Variants in WWOX observed in about 807,000 individuals in gnomAD.
WWOX encodes WW domain-containing oxidoreductase.
In WWOX, 69 loss-of-function variants were observed where a neutral mutation model predicts 46.2. That is an observed-to-expected ratio of 1.49 (90% CI 1.23 to 1.82). The LOEUF (loss-of-function observed/expected upper bound fraction) is 1.82, where lower values mean the gene tolerates loss of function less well. Among genes scored for constraint, WWOX ranks in the 40% most tolerant of loss-of-function variants. The pLI is 0.00. For synonymous variants in WWOX, 359 were observed against 202.6 expected (o/e 1.77, Z -6.56); for missense variants, 919 against 542.6 (o/e 1.69, Z -6.89).
chr16:78,870,581 C>T (rs1283392017), intron 8 of WWOX, among the ~76,000 whole-genome samples: 1 of 151,782 alleles, frequency 6.6e-6, no homozygotes, highest in African/African-American at 2.4e-5. Context: ...TCTCTCTTCT[C>T]ACCCCTACCA....
chr16:79,021,764 C>T (rs2151385936), intron 8 of WWOX, among the ~76,000 whole-genome samples: 1 of 152,288 alleles, frequency 6.6e-6, no homozygotes. Flanking sequence ...CATCTGTGTA[C>T]ACCCCCTCTT....
At chr16:78,479,885 G>T (rs1452089578) in intron 8 of WWOX, among the ~76,000 whole-genome samples, 2 of 151,936 alleles carry the variant, frequency 1.3e-5, no homozygotes, top group East Asian at 3.8e-4. Flanking sequence ...GGGCTGCATT[G>T]TTCACTGCCC....
At chr16:78,482,820 GATCT>G (rs1171047600) in intron 8 of WWOX, among the ~76,000 whole-genome samples, 11 of 152,262 alleles carry the variant, frequency 7.2e-5, no homozygotes, top group Non-Finnish European at 1.3e-4. Context: ...TCTTGGGAAG[GATCT>G]ATCTCACTCA....
rs140191924 is a variant in WWOX at position 79,040,373 on chromosome 16, C to T, written c.1057-171235C>T. Among the ~76,000 whole-genome samples, 1,485 of 151,806 alleles carry T rather than the reference C, an allele frequency of 9.8e-3. 7 individuals are homozygous for T. Among genetic ancestry groups the T allele is most frequent in the Non-Finnish European group, 0.015 (1,039 of 67,948 alleles). On this transcript the variant is annotated intron_variant, in intron 8 of 8. Coordinates refer to ENST00000566780, the MANE Select transcript of WWOX (RefSeq NM_016373.4). ...CACTGCCACCTCTGCCTCCCAGGCC[C>T]AAGCGATCCTCCTGCCTCAGCCTCA...
At chr16:78,326,680 T>C (rs1323888895) in intron 5 of WWOX, among the ~76,000 whole-genome samples, 1 of 151,004 alleles carries the variant, frequency 6.6e-6, no homozygotes, top group Non-Finnish European at 1.5e-5. Context: ...TAATTTATAA[T>C]TTTTGTTTTT....
intron 5 of WWOX, among the ~76,000 whole-genome samples, chr16:78,326,578 C>CCCT: frequency 4.1e-5 from 1 of 24,346 alleles, no homozygotes; most frequent in African/African-American, 1.6e-4. Flanking sequence ...CCTCCCCCCG[C>CCCT]CCCCCCCCCC....
At chr16:78,659,097 A>C (rs59689196) in intron 8 of WWOX, among the ~76,000 whole-genome samples, 21,607 of 150,114 alleles carry the variant, frequency 0.14, 1,820 homozygotes, top group African/African-American at 0.23. Flanking sequence ...GTCTCAAAAA[A>C]AAACAAACAA....
chr16:79,195,042 A>G (rs956281114), intron 8 of WWOX, among the ~76,000 whole-genome samples: 41 of 152,154 alleles, frequency 2.7e-4, no homozygotes, highest in Admixed American at 1.3e-3. Context: ...TGAGAACATT[A>G]TGCATATGGT....
At chr16:79,103,305 G>A (rs1473852057) in intron 8 of WWOX, among the ~76,000 whole-genome samples, 1 of 152,158 alleles carries the variant, frequency 6.6e-6, no homozygotes, top group Non-Finnish European at 1.5e-5. Context: ...TGAAGTGACT[G>A]TTCTCCTCCC....
chr16:78,759,931 A>C (rs1454163736), intron 8 of WWOX, among the ~76,000 whole-genome samples: 1 of 152,022 alleles, frequency 6.6e-6, no homozygotes, highest in Non-Finnish European at 1.5e-5. Flanking sequence ...CTCTGCTTTC[A>C]CTATCCCTTC....
At chr16:79,082,343 T>G (rs1037418371) in intron 8 of WWOX, among the ~76,000 whole-genome samples, 1 of 152,168 alleles carries the variant, frequency 6.6e-6, no homozygotes. Context: ...TTCCAGAGCA[T>G]CCATCTCCTT....
At chr16:79,210,308 G>A (rs1210990638) in intron 8 of WWOX, among the ~76,000 whole-genome samples, 1 of 152,100 alleles carries the variant, frequency 6.6e-6, no homozygotes, top group Non-Finnish European at 1.5e-5. Context: ...CCTTCCTTGG[G>A]ACCCTATTTC....
Position 78,416,215 on chromosome 16 carries a change from T to C in WWOX, c.606-8655T>C, listed in dbSNP as rs1324401335. On this transcript the variant is annotated intron_variant, in intron 6 of 8. Transcript: ENST00000566780. Reference sequence around the variant, plus strand: ...TTATAGTTTGAACTTTTCCTTTTCATAGTCTGTAAATATTCATCATCTCAG... The same window carrying C: ...TTATAGTTTGAACTTTTCCTTTTCACAGTCTGTAAATATTCATCATCTCAG... Among the ~76,000 whole-genome samples the C allele has an allele frequency of 2.0e-5, 3 of 152,364 alleles. No individual in the cohort carries two copies. The East Asian group carries it at 5.8e-4, about 29-fold the overall frequency.
At chr16:78,736,684 A>G (rs72801215) in intron 8 of WWOX, among the ~76,000 whole-genome samples, 19 of 152,052 alleles carry the variant, frequency 1.2e-4, no homozygotes, top group Non-Finnish European at 2.2e-4. Context: ...TGCAGCCTCA[A>G]ACTTCTAGGC....
At chr16:78,668,049 C>T (rs549248177) in intron 8 of WWOX, among the ~76,000 whole-genome samples, 72 of 152,228 alleles carry the variant, frequency 4.7e-4, no homozygotes, top group South Asian at 8.3e-4. Flanking sequence ...GAGGCCGAGG[C>T]GGGTGGATCA....
intron 8 of WWOX, among the ~76,000 whole-genome samples, chr16:78,908,633 G>C (rs545571537): frequency 1.3e-5 from 2 of 152,094 alleles, no homozygotes; most frequent in East Asian, 3.9e-4. Flanking sequence ...CAAAACTCAG[G>C]GATAGAGATT....
At chr16:78,536,632 A>G (rs1483158807) in intron 8 of WWOX, among the ~76,000 whole-genome samples, 2 of 152,206 alleles carry the variant, frequency 1.3e-5, no homozygotes, top group South Asian at 2.1e-4. Context: ...AATCAATGCA[A>G]TCCCATGCAA....
At chr16:78,335,361 A>T (rs1007356036) in intron 5 of WWOX, among the ~76,000 whole-genome samples, 1 of 152,158 alleles carries the variant, frequency 6.6e-6, no homozygotes, top group African/African-American at 2.4e-5. Flanking sequence ...CCCACTTATA[A>T]ACGAGAGCAT....
chr16:78,536,684 G>C (rs1175502742), intron 8 of WWOX, among the ~76,000 whole-genome samples: 1 of 152,138 alleles, frequency 6.6e-6, no homozygotes, highest in African/African-American at 2.4e-5. Context: ...GCCAGCTAAA[G>C]TGTGGTCTCT....
Sources: gnomAD v4.1 joint callset for allele counts (sites outside exome capture counted in the v4.1 genomes callset) on GRCh38, gnomAD v4.1.1 for gene constraint, MANE v1.5 for transcripts, NCBI Gene and HGNC (gene_info 2026-07-23, HGNC 2026-07-21) for gene names.